Variants in PLA2G4C observed in about 807,000 individuals in gnomAD.
PLA2G4C encodes cytosolic phospholipase A2 gamma.
PLA2G4C carries 64 observed loss-of-function variants against 73.8 expected under a neutral mutation model. The observed-to-expected ratio is 0.87, with a 90% CI of 0.71 to 1.07. The LOEUF (loss-of-function observed/expected upper bound fraction) is 1.07, where lower values mean the gene tolerates loss of function less well. PLA2G4C is among the 50% of genes least tolerant of loss of function. PLA2G4C has a pLI of 0.00. For synonymous variants in PLA2G4C, 254 were observed against 252.1 expected (o/e 1.01, Z -0.07); for missense variants, 622 against 665.4 (o/e 0.93, Z 0.72).
intron 13 of PLA2G4C, 101 bp from the exon 14 acceptor site, chr19:48,062,253 A>G (rs1404542222): frequency 9.6e-7 from 1 of 1,046,994 alleles, no homozygotes; most frequent in Non-Finnish European, 1.3e-6. Context: ...GATCGTTGTC[A>G]GTGTAGACAG....
In PLA2G4C at chr19:48,099,645, C is replaced by T. The variant is rs370968843; in HGVS notation, c.447+26G>A. Reference sequence around the variant, plus strand: ...AGACCCCTTGCTCCTACCCCCACCCCAGGTCCCCAGCTGGGAATGACTTAC... The same window carrying T: ...AGACCCCTTGCTCCTACCCCCACCCTAGGTCCCCAGCTGGGAATGACTTAC... On this transcript the variant is annotated intron_variant, in intron 5 of 16. Coordinates refer to ENST00000599921, the MANE Select transcript of PLA2G4C (RefSeq NM_003706.3). 4.4e-6 allele frequency: 7 copies of T among 1,587,140 alleles called. No homozygotes were observed. In the African/African-American group the frequency reaches 8.1e-5, roughly 18 times the overall value.
intron 13 of PLA2G4C, among the ~76,000 whole-genome samples, chr19:48,066,570 A>G (rs948321268): frequency 5.3e-5 from 8 of 152,004 alleles, no homozygotes; most frequent in African/African-American, 1.9e-4. Flanking sequence ...AGGGGGGCAC[A>G]TTTTGGAATT....
In PLA2G4C at chr19:48,048,379, G is replaced by A; in HGVS notation, c.1590C>T (p.Tyr530=). Residue 530 remains tyrosine (Y), a synonymous_variant, in exon 17 of 17, where the codon TAC becomes TAT. Coordinates refer to ENST00000599921, the MANE Select transcript of PLA2G4C (RefSeq NM_003706.3). ...RELMNVAGLY[Y]PKDSARSCCL... is the part of the protein sequence containing the mutation. ...AGCAACTTCGGGCACTATCCTTCGGGTAGTAGAGCCTGGGGAGAAAGGAAA... is the reference window on the plus strand; with the variant it reads ...AGCAACTTCGGGCACTATCCTTCGGATAGTAGAGCCTGGGGAGAAAGGAAA... The A allele has an allele frequency of 6.3e-7, 1 of 1,592,032 alleles. No homozygotes were observed. Among genetic ancestry groups the A allele is most frequent in the Non-Finnish European group, 8.5e-7 (1 of 1,172,290 alleles).
chr19:48,069,539 A>G (rs996123095), intron 12 of PLA2G4C, among the ~76,000 whole-genome samples: 1 of 151,574 alleles, frequency 6.6e-6, no homozygotes, highest in Non-Finnish European at 1.5e-5. Flanking sequence ...GCTCCTCCCA[A>G]TCTCATCTGC....
intron 12 of PLA2G4C, among the ~76,000 whole-genome samples, chr19:48,071,553 T>C (rs541529369): frequency 6.6e-6 from 1 of 152,176 alleles, no homozygotes; most frequent in East Asian, 1.9e-4. Context: ...CACCTTGGCC[T>C]CTCAAAGTGC....
At chr19:48,090,271 G>A (rs1568444598) in intron 8 of PLA2G4C, 93 bp downstream of exon 8, 1 of 898,726 alleles carries the variant, frequency 1.1e-6, no homozygotes, top group African/African-American at 1.6e-5. Context: ...ATTACACACA[G>A]GTCTCTCTTC....
At chr19:48,091,627 G>A (rs982751804) in intron 7 of PLA2G4C, among the ~76,000 whole-genome samples, 3 of 152,104 alleles carry the variant, frequency 2.0e-5, no homozygotes, top group African/African-American at 7.2e-5. Flanking sequence ...GGTGGCTCAC[G>A]CCTGTAATGC....
intron 10 of PLA2G4C, among the ~76,000 whole-genome samples, chr19:48,079,910 G>A (rs1167976508): frequency 3.3e-5 from 5 of 152,204 alleles, no homozygotes; most frequent in East Asian, 1.9e-4. Context: ...GCAGTGAGCC[G>A]AGATCGTGCT....
intron 4 of PLA2G4C, among the ~76,000 whole-genome samples, chr19:48,101,128 T>TATA (rs1568453324): frequency 3.8e-4 from 12 of 31,868 alleles, no homozygotes; most frequent in African/African-American, 1.2e-3. Context: ...ATATATATAT[T>TATA]TTTTTTTTTT....
In PLA2G4C at chr19:48,105,416, G is replaced by A. The variant is rs573048640; in HGVS notation, c.37C>T (p.Gln13Ter). The A allele has an allele frequency of 9.1e-5, 147 of 1,613,670 alleles. No individual in the cohort carries two copies. The highest frequency in any genetic ancestry group is 7.5e-4 in the South Asian group (68 of 91,026). Residue 13 changes from glutamine (Q) to a stop codon, truncating the protein, a stop_gained, in exon 3 of 17, where the codon CAG becomes TAG. Coordinates refer to ENST00000599921, the MANE Select transcript of PLA2G4C (RefSeq NM_003706.3). LOFTEE classifies it high-confidence loss of function. ...TCCACGGCCGCCTTTTCTTCTTTCTGGAGCCCAGGAATTATGGAAACTTCA... is the reference window on the plus strand; with the variant it reads ...TCCACGGCCGCCTTTTCTTCTTTCTAGAGCCCAGGAATTATGGAAACTTCA... ...SSEVSIIPGL[Q>*]KEEKAAVERR...
intron 14 of PLA2G4C, 40 bp downstream of exon 14, chr19:48,061,958 C>A (rs915130323): frequency 1.2e-6 from 2 of 1,605,196 alleles, no homozygotes; most frequent in Non-Finnish European, 1.7e-6. Flanking sequence ...CCGCAGCCCA[C>A]CTCCCACCCA....
At chr19:48,086,042 G>T (rs2030955722) in intron 9 of PLA2G4C, among the ~76,000 whole-genome samples, 1 of 152,192 alleles carries the variant, frequency 6.6e-6, no homozygotes, top group African/African-American at 2.4e-5. Flanking sequence ...GCCCCCAGCT[G>T]GGTTTCATGA....
intron 10 of PLA2G4C, among the ~76,000 whole-genome samples, chr19:48,083,576 T>C (rs2030783032): frequency 6.6e-6 from 1 of 151,458 alleles, no homozygotes; most frequent in Non-Finnish European, 1.5e-5. Context: ...GCTTCCCGTG[T>C]AGCTGGGATT....
intron 12 of PLA2G4C, 27 bp from the exon 13 acceptor site, chr19:48,067,913 G>A: frequency 6.7e-7 from 1 of 1,501,712 alleles, no homozygotes; most frequent in Non-Finnish European, 9.3e-7. Context: ...AGACAGCCAA[G>A]GTGAGTTCAG....
At chr19:48,105,005 C>T (rs1600262846) in intron 3 of PLA2G4C, among the ~76,000 whole-genome samples, 1 of 145,364 alleles carries the variant, frequency 6.9e-6, no homozygotes, top group East Asian at 2.2e-4. Context: ...ATAGCTTGAA[C>T]CTGGGAGGTG....
intron 14 of PLA2G4C, among the ~76,000 whole-genome samples, chr19:48,056,619 T>C (rs1443652327): frequency 2.0e-5 from 3 of 151,096 alleles, no homozygotes; most frequent in East Asian, 1.9e-4. Context: ...GATCACGAGG[T>C]CAGGAGATCG....
At chr19:48,096,167 T>G (rs1044087850) in intron 6 of PLA2G4C, among the ~76,000 whole-genome samples, 5 of 151,410 alleles carry the variant, frequency 3.3e-5, no homozygotes, top group African/African-American at 1.2e-4. Context: ...AGGATGAAAA[T>G]GAGGAGGGGG....
intron 1 of PLA2G4C, among the ~76,000 whole-genome samples, chr19:48,107,096 T>G (rs76854962): frequency 6.6e-6 from 1 of 152,048 alleles, no homozygotes; most frequent in Admixed American, 6.6e-5. Context: ...CCACCCGCCT[T>G]GGCCTCCCAA....
chr19:48,054,971 A>G lies in PLA2G4C; in HGVS notation c.1336T>C (p.Trp446Arg), dbSNP rs577528520. 95 of 1,613,884 alleles carry G rather than the reference A, an allele frequency of 5.9e-5. 1 individual carries two copies. The East Asian group carries it at 2.0e-3, about 34-fold the overall frequency. Residue 446 changes from tryptophan to arginine, a missense_variant, in exon 15 of 17, where the codon TGG (tryptophan) becomes CGG (arginine). Transcript: ENST00000599921. The part of the protein sequence containing the change: ...PQVEEAELDL[W>R]SKAPASCYIL... ...TAGCAGCTGGCGGGGGCCTTGGACCACAAATCCAGCTCAGCCTCTTCTACT... is the reference window on the plus strand; with the variant it reads ...TAGCAGCTGGCGGGGGCCTTGGACCGCAAATCCAGCTCAGCCTCTTCTACT...
Sources: allele counts gnomAD v4.1 joint callset (sites outside exome capture counted in the v4.1 genomes callset), GRCh38; gene constraint gnomAD v4.1.1; transcripts MANE v1.5; gene names NCBI Gene and HGNC (gene_info 2026-07-23, HGNC 2026-07-21).